The following FANCB variants were observed in gnomAD, a reference collection of about 807,000 sequenced individuals.
FANCB encodes the protein Fanconi anemia group B protein.
A neutral mutation model predicts 38.9 loss-of-function variants in FANCB; 5 were observed. The observed-to-expected ratio is 0.13, with a 90% CI of 0.07 to 0.27. The LOEUF (loss-of-function observed/expected upper bound fraction) is 0.27, where lower values mean the gene tolerates loss of function less well. Among genes scored for constraint, FANCB ranks in the 10% least tolerant of loss-of-function variants. The pLI, the probability that FANCB is intolerant of heterozygous loss-of-function variation, is 1.00. For missense variants in FANCB, 573 were observed against 602.7 expected, an observed-to-expected ratio of 0.95 and a Z score of 0.52; for synonymous variants, 236 against 215.4, an observed-to-expected ratio of 1.10 and a Z score of -0.84.
chrX:14,769,221 A>T, the FANCB span, among the ~76,000 whole-genome samples: 1 of 111,623 alleles, frequency 9.0e-6, no homozygotes, highest in African/African-American at 3.3e-5. Flanking sequence ...CTATTGGAGT[A>T]GTTTCAATAG....
rs756392097 is a variant in FANCB, at chrX:14,843,880, A to G, written c.2267T>C (p.Ile756Thr). 1 of 1,206,117 alleles carries G rather than the reference A, an allele frequency of 8.3e-7. No homozygotes were observed. The highest frequency in any genetic ancestry group is 1.1e-6 in the Non-Finnish European group (1 of 892,700). Residue 756 changes from isoleucine (I) to threonine (T), a missense_variant, in exon 10 of 10, where the codon ATT becomes ACT. By Grantham distance (89) the Ile-to-Thr change is moderately conservative. Transcript: ENST00000650831. ...NLKSGSENFL[I>T]DNMAFTLEKE... Reference sequence around the variant, plus strand: ...CTCCAAAGTAAATGCCATATTATCAATTAGGAAATTCTCACTTCCTGATTT... The same window carrying G: ...CTCCAAAGTAAATGCCATATTATCAGTTAGGAAATTCTCACTTCCTGATTT...
At chrX:14,859,159 T>C (rs1011881696) in intron 4 of FANCB, 23 bp downstream of exon 4, 1 of 1,075,688 alleles carries the variant, frequency 9.3e-7, no homozygotes, top group Non-Finnish European at 1.3e-6. Context: ...TAAAATACCA[T>C]ATAATAAGTA....
chrX:14,774,713 A>G, the FANCB span, among the ~76,000 whole-genome samples: 67 of 112,638 alleles, frequency 5.9e-4, no homozygotes, highest in African/African-American at 2.2e-3. Flanking sequence ...TGTCTTTCCT[A>G]TCTTTTCACA....
chrX:14,752,733 T>C, the FANCB span, among the ~76,000 whole-genome samples: 3 of 112,039 alleles, frequency 2.7e-5, no homozygotes, highest in Admixed American at 2.8e-4. Flanking sequence ...TGAGATAATA[T>C]TGTTAGGAAA....
chrX:14,722,279 G>A, the FANCB span, among the ~76,000 whole-genome samples: 1 of 111,170 alleles, frequency 9.0e-6, no homozygotes, highest in African/African-American at 3.3e-5. Context: ...AGTTGGGCAG[G>A]CATCATTCTT....
At position 14,865,520 on chromosome X, in the gene FANCB, T is replaced by C. The variant is rs2092465914; in HGVS notation, c.-10A>G. On this transcript the variant is annotated 5_prime_UTR_variant, in exon 3 of 10. Transcript: ENST00000650831. ...CTTGTTTGCTAGTCATTCCACAATA[T>C]CAAGTCTTTGTGCTGATCTAATTTT... The C allele has an allele frequency of 1.8e-6, 2 of 1,137,604 alleles. No individual in the cohort carries two copies. Among genetic ancestry groups the C allele is most frequent in the Non-Finnish European group, 2.4e-6 (2 of 833,506 alleles). 93.8% of individuals were successfully genotyped at this position (1,137,604 alleles called of 1,213,427 possible).
the FANCB span, among the ~76,000 whole-genome samples, chrX:14,712,728 A>G: frequency 9.0e-6 from 1 of 110,822 alleles, no homozygotes; most frequent in Non-Finnish European, 1.9e-5. Context: ...GATGGGACTT[A>G]ACATGAAGTT....
At chrX:14,791,931 T>G in the FANCB span, among the ~76,000 whole-genome samples, 1 of 111,874 alleles carries the variant, frequency 8.9e-6, no homozygotes, top group South Asian at 3.7e-4. Context: ...TTAACACATT[T>G]GAAAGGGGGA....
At chrX:14,832,627 T>C (rs765873362), downstream of FANCB, among the ~76,000 whole-genome samples, 18 of 112,076 alleles carry the variant, frequency 1.6e-4, no homozygotes, top group African/African-American at 5.8e-4. Context: ...TAGATATTAG[T>C]TCAGGATTGA....
the FANCB span, chrX:14,730,209 A>G: frequency 1.7e-6 from 2 of 1,196,197 alleles, no homozygotes; most frequent in Non-Finnish European, 2.3e-6. Flanking sequence ...TCCGTCAGGA[A>G]GAAGACGTTA....
the FANCB span, among the ~76,000 whole-genome samples, chrX:14,741,186 G>A: frequency 9.0e-6 from 1 of 111,576 alleles, no homozygotes; most frequent in South Asian, 3.8e-4. Flanking sequence ...AAGGAACCTA[G>A]TATTACCCAG....
chrX:14,763,863 G>A, the FANCB span, among the ~76,000 whole-genome samples: 18 of 111,388 alleles, frequency 1.6e-4, no homozygotes, highest in South Asian at 5.7e-3. Flanking sequence ...ACAAATAGTT[G>A]TTGAATCAAG....
the FANCB span, among the ~76,000 whole-genome samples, chrX:14,766,398 A>C: frequency 8.9e-6 from 1 of 112,089 alleles, no homozygotes; most frequent in Non-Finnish European, 1.9e-5. Flanking sequence ...CAGCTATTAA[A>C]TAAGTTAGTA....
At chrX:14,844,414 A>G in intron 9 of FANCB, 89 bp downstream of exon 9, 1 of 672,287 alleles carries the variant, frequency 1.5e-6, no homozygotes, top group Non-Finnish European at 2.5e-6. Context: ...CAATAATACA[A>G]AACACATGCG....
At chrX:14,818,068 T>G in the FANCB span, among the ~76,000 whole-genome samples, 1 of 111,749 alleles carries the variant, frequency 8.9e-6, no homozygotes, top group African/African-American at 3.3e-5. Flanking sequence ...ACTGAGCTAT[T>G]AATAAACCGG....
chrX:14,767,377 C>G, the FANCB span, among the ~76,000 whole-genome samples: 1 of 111,863 alleles, frequency 8.9e-6, no homozygotes, highest in Non-Finnish European at 1.9e-5. Flanking sequence ...TTAATAATAG[C>G]CTTTCTGACT....
At chrX:14,810,622 A>G in the FANCB span, among the ~76,000 whole-genome samples, 550 of 111,597 alleles carry the variant, frequency 4.9e-3, 3 homozygotes, top group African/African-American at 0.017. Flanking sequence ...GAGAAAAAAG[A>G]ATAAAAAGAA....
At chrX:14,797,924 G>C in the FANCB span, among the ~76,000 whole-genome samples, 1 of 110,452 alleles carries the variant, frequency 9.1e-6, no homozygotes, top group Non-Finnish European at 1.9e-5. Context: ...GGGTAGCCAA[G>C]TGTTTCCTCT....
chrX:14,771,383 C>T, the FANCB span, among the ~76,000 whole-genome samples: 2 of 111,179 alleles, frequency 1.8e-5, no homozygotes, highest in Non-Finnish European at 3.8e-5. Flanking sequence ...TCAGACAGAG[C>T]ATCTTCAAGC....
Sources: gnomAD v4.1 joint callset for allele counts (sites outside exome capture counted in the v4.1 genomes callset) on GRCh38, gnomAD v4.1.1 for gene constraint, MANE v1.5 for transcripts, NCBI Gene and HGNC (gene_info 2026-07-23, HGNC 2026-07-21) for gene names.